ROBO2: variants seen among roughly 807,000 people sequenced by gnomAD.
ROBO2 encodes the protein roundabout guidance receptor 2.
Under a neutral mutation model 160.8 loss-of-function variants are expected in ROBO2, and 53 were observed. The observed-to-expected ratio is 0.33, with a 90% CI of 0.26 to 0.41. ROBO2 has a LOEUF of 0.41. ROBO2 is among the 10% of genes least tolerant of loss of function. The probability of loss-of-function intolerance (pLI) is 1.00; values close to 1 mark genes in which losing one functional copy is unlikely to be tolerated. For missense variants in ROBO2, 1,577 were observed against 1,722.4 expected (o/e 0.92, Z 1.49); for synonymous variants, 664 against 611.7 (o/e 1.09, Z -1.26).
intron 2 of ROBO2, among the ~76,000 whole-genome samples, chr3:76,496,722 T>C (rs1023974874): frequency 2.0e-5 from 3 of 151,654 alleles, no homozygotes; most frequent in Non-Finnish European, 2.9e-5. Context: ...AACCTTAGAG[T>C]TTTTTAATTT....
At chr3:75,950,083 A>G (rs1948478672) in intron 2 of ROBO2, among the ~76,000 whole-genome samples, 1 of 152,048 alleles carries the variant, frequency 6.6e-6, no homozygotes, top group South Asian at 2.1e-4. Flanking sequence ...GATAAAATTC[A>G]TATGCAATCT....
At chr3:77,110,556 C>A (rs1238473446) in intron 2 of ROBO2, among the ~76,000 whole-genome samples, 3 of 151,190 alleles carry the variant, frequency 2.0e-5, no homozygotes, top group Non-Finnish European at 4.4e-5. Flanking sequence ...TATAAATGAA[C>A]AGAACCTTGA....
At chr3:76,087,512 T>C (rs2069060385) in intron 2 of ROBO2, among the ~76,000 whole-genome samples, 1 of 151,028 alleles carries the variant, frequency 6.6e-6, no homozygotes, top group South Asian at 2.1e-4. Context: ...TTGCAAGAAA[T>C]GTTAAAAAAA....
chr3:77,110,916 A>G (rs1475852780), intron 2 of ROBO2, among the ~76,000 whole-genome samples: 1 of 151,958 alleles, frequency 6.6e-6, no homozygotes, highest in Non-Finnish European at 1.5e-5. Flanking sequence ...CTGGTCTCAA[A>G]CTTTTGAGCT....
intron 2 of ROBO2, among the ~76,000 whole-genome samples, chr3:76,389,536 A>G (rs147376971): frequency 9.8e-5 from 15 of 152,328 alleles, no homozygotes; most frequent in African/African-American, 3.6e-4. Context: ...TTTTCTCCAA[A>G]TATATGACTG....
At chr3:76,983,281 C>G (rs769356154) in intron 2 of ROBO2, among the ~76,000 whole-genome samples, 45 of 151,050 alleles carry the variant, frequency 3.0e-4, no homozygotes, top group Non-Finnish European at 5.6e-4. Context: ...AGTGAGACTC[C>G]GTCTCAAAAA....
chr3:76,567,240 A>T (rs988488240), intron 2 of ROBO2, among the ~76,000 whole-genome samples: 9 of 152,100 alleles, frequency 5.9e-5, no homozygotes, highest in Admixed American at 5.2e-4. Flanking sequence ...AAATGGCATG[A>T]TTGTGTATTC....
At chr3:76,027,992 A>ATGGCTAAATGTCTTAGG (rs2066799293) in intron 2 of ROBO2, among the ~76,000 whole-genome samples, 2 of 151,832 alleles carry the variant, frequency 1.3e-5, no homozygotes, top group South Asian at 4.1e-4. Flanking sequence ...GGATAGATTA[A>ATGGCTAAATGTCTTAGG]TATGGCTAAA....
At chr3:76,100,919 G>A (rs1164019467) in intron 2 of ROBO2, among the ~76,000 whole-genome samples, 1 of 152,152 alleles carries the variant, frequency 6.6e-6, no homozygotes, top group Non-Finnish European at 1.5e-5. Flanking sequence ...GGATACAATT[G>A]TGAGCAAAGC....
chr3:77,120,571 C>T (rs1227228947), intron 2 of ROBO2, among the ~76,000 whole-genome samples: 1 of 152,064 alleles, frequency 6.6e-6, no homozygotes, highest in Non-Finnish European at 1.5e-5. Context: ...TAAGATTAGC[C>T]TGACGTCGTT....
At chr3:76,142,504 T>C (rs2071710641) in intron 2 of ROBO2, among the ~76,000 whole-genome samples, 1 of 151,914 alleles carries the variant, frequency 6.6e-6, no homozygotes, top group African/African-American at 2.4e-5. Flanking sequence ...ATCCAGTCAT[T>C]TGCAACAACA....
chr3:77,073,276 T>G (rs1232001304), intron 1 of ROBO2, among the ~76,000 whole-genome samples: 2 of 152,196 alleles, frequency 1.3e-5, no homozygotes, highest in Non-Finnish European at 2.9e-5. Flanking sequence ...TTGGCCATTA[T>G]TTTTCTAATG....
chr3:77,427,795 A>T (rs1475017128), intron 2 of ROBO2, among the ~76,000 whole-genome samples: 1 of 152,232 alleles, frequency 6.6e-6, no homozygotes, highest in East Asian at 1.9e-4. Flanking sequence ...TAATTATCCT[A>T]CTGGAATAAT....
intron 2 of ROBO2, among the ~76,000 whole-genome samples, chr3:76,509,901 C>T (rs2080991530): frequency 6.6e-6 from 1 of 151,682 alleles, no homozygotes; most frequent in Admixed American, 6.6e-5. Context: ...TACACCTGAC[C>T]TCATGTGATG....
chr3:77,427,594 T>C (rs2078334311), intron 2 of ROBO2, among the ~76,000 whole-genome samples: 1 of 152,140 alleles, frequency 6.6e-6, no homozygotes, highest in Non-Finnish European at 1.5e-5. Context: ...TTCCTGGATG[T>C]TAGTTGATTT....
At chr3:77,105,602 G>A (rs1295002673) in intron 2 of ROBO2, among the ~76,000 whole-genome samples, 1 of 152,150 alleles carries the variant, frequency 6.6e-6, no homozygotes, top group African/African-American at 2.4e-5. Context: ...GTGTGAAATT[G>A]CTACACCTGG....
intron 2 of ROBO2, among the ~76,000 whole-genome samples, chr3:76,708,753 C>A (rs2093224819): frequency 6.6e-6 from 1 of 152,270 alleles, no homozygotes; most frequent in South Asian, 2.1e-4. Context: ...ATTGCTCTGG[C>A]AGAACCAGAA....
chr3:76,913,921 G>A (rs1003848577), intron 2 of ROBO2, among the ~76,000 whole-genome samples: 4 of 150,870 alleles, frequency 2.7e-5, no homozygotes, highest in Admixed American at 6.6e-5. Context: ...TACTCCTTTA[G>A]AGGAGTAACT....
chr3:77,234,931 C>T (rs1044355526), intron 2 of ROBO2, among the ~76,000 whole-genome samples: 4 of 151,952 alleles, frequency 2.6e-5, no homozygotes, highest in Non-Finnish European at 2.9e-5. Flanking sequence ...TACTTTAATT[C>T]CAAGGGTTTT....
Sources: gnomAD v4.1 joint callset for allele counts (sites outside exome capture counted in the v4.1 genomes callset) on GRCh38, gnomAD v4.1.1 for gene constraint, MANE v1.5 for transcripts, NCBI Gene and HGNC (gene_info 2026-07-23, HGNC 2026-07-21) for gene names.